The following WWTR1 variants were observed in gnomAD, a reference collection of about 807,000 sequenced individuals.
WWTR1 encodes WW domain containing transcription regulator 1.
In WWTR1, 13 loss-of-function variants were observed where a neutral mutation model predicts 40.1. The observed-to-expected ratio is 0.32, with a 90% CI of 0.21 to 0.52. WWTR1 has a LOEUF of 0.52. Among genes scored for constraint, WWTR1 ranks in the 20% least tolerant of loss-of-function variants. WWTR1 has a pLI of 0.97. For missense variants in WWTR1, 436 were observed against 523.1 expected, an observed-to-expected ratio of 0.83 and a Z score of 1.63; for synonymous variants, 230 against 210.1, an observed-to-expected ratio of 1.09 and a Z score of -0.82.
chr3:149,617,233 A>C (rs779601116), intron 2 of WWTR1, among the ~76,000 whole-genome samples: 1 of 152,158 alleles, frequency 6.6e-6, no homozygotes, highest in Non-Finnish European at 1.5e-5. Flanking sequence ...CATGATGAGC[A>C]GAAGGAAAAA....
At chr3:149,683,680 C>CAAGA (rs1714535070) in intron 1 of WWTR1, among the ~76,000 whole-genome samples, 1 of 151,724 alleles carries the variant, frequency 6.6e-6, no homozygotes, top group South Asian at 2.1e-4. Flanking sequence ...GGCAATAGAA[C>CAAGA]AAGATTCTGC....
intron 4 of WWTR1, among the ~76,000 whole-genome samples, chr3:149,534,459 C>T (rs1304109942): frequency 6.6e-6 from 1 of 152,196 alleles, no homozygotes; most frequent in Non-Finnish European, 1.5e-5. Context: ...CTACCTCAGA[C>T]AGTTCAGAGG....
chr3:149,558,732 A>T (rs1287251329), intron 3 of WWTR1, among the ~76,000 whole-genome samples: 1 of 152,222 alleles, frequency 6.6e-6, no homozygotes, highest in East Asian at 1.9e-4. Context: ...TTTAAAAATG[A>T]TTCACAAAAT....
At chr3:149,572,692 T>C (rs1197933861) in intron 3 of WWTR1, among the ~76,000 whole-genome samples, 172 bp downstream of exon 3, 1 of 151,762 alleles carries the variant, frequency 6.6e-6, no homozygotes, top group Non-Finnish European at 1.5e-5. Context: ...AGTCAAAGCT[T>C]GGGGCTCCAC....
chr3:149,671,343 A>T (rs541241853), intron 1 of WWTR1, among the ~76,000 whole-genome samples: 90 of 152,274 alleles, frequency 5.9e-4, no homozygotes, highest in African/African-American at 2.1e-3. Context: ...TTTCGAAAAG[A>T]GCAGAGGCAA....
chr3:149,530,917 T>G (rs1275787842), intron 4 of WWTR1, among the ~76,000 whole-genome samples: 1 of 151,720 alleles, frequency 6.6e-6, no homozygotes, highest in Non-Finnish European at 1.5e-5. Context: ...GAAAGGGTGT[T>G]GAATGTACCC....
intron 2 of WWTR1, among the ~76,000 whole-genome samples, chr3:149,578,243 G>A (rs899736367): frequency 3.9e-5 from 6 of 152,060 alleles, no homozygotes; most frequent in African/African-American, 1.4e-4. Context: ...TATTAGCTCT[G>A]ACCCTGTGTG....
intron 4 of WWTR1, among the ~76,000 whole-genome samples, chr3:149,535,343 C>A (rs567900727): frequency 2.0e-5 from 3 of 151,664 alleles, no homozygotes; most frequent in Non-Finnish European, 2.9e-5. Flanking sequence ...GAGAGAATGC[C>A]GAATTATTTA....
chr3:149,532,497 A>C (rs10513354), intron 4 of WWTR1, among the ~76,000 whole-genome samples: 30,293 of 152,166 alleles, frequency 0.2, 4,611 homozygotes, highest in African/African-American at 0.43. Context: ...TCGAATATAA[A>C]TGGAAAGTAG....
chr3:149,573,375 G>T (rs62269320), intron 2 of WWTR1, among the ~76,000 whole-genome samples: 9,635 of 152,112 alleles, frequency 0.063, 446 homozygotes, highest in Non-Finnish European at 0.1. Flanking sequence ...TGGAAGGGGA[G>T]CCATGCTCAC....
chr3:149,689,012 T>C (rs1357135365), intron 1 of WWTR1, among the ~76,000 whole-genome samples: 1 of 152,206 alleles, frequency 6.6e-6, no homozygotes, highest in Non-Finnish European at 1.5e-5. Context: ...AACTGAAGAA[T>C]GCATCAGAGT....
chr3:149,574,423 A>G (rs772100357), intron 2 of WWTR1, among the ~76,000 whole-genome samples: 3 of 152,174 alleles, frequency 2.0e-5, no homozygotes, highest in Non-Finnish European at 4.4e-5. Context: ...TTTGGGCCTC[A>G]CAACCAGGTG....
intron 1 of WWTR1, among the ~76,000 whole-genome samples, chr3:149,697,786 C>T (rs1235162582): frequency 6.6e-6 from 1 of 152,138 alleles, no homozygotes; most frequent in South Asian, 2.1e-4. Flanking sequence ...ATCTATAAAC[C>T]TGTAAAATAA....
At position 149,555,453 on chromosome 3, in the gene WWTR1, A is replaced by T. The variant is rs950707634; in HGVS notation, c.569-12916T>A. On this transcript the variant is annotated intron_variant, in intron 3 of 6. Coordinates refer to ENST00000360632, the MANE Select transcript of WWTR1 (RefSeq NM_015472.6). ...ATAAGCAAAAACAATAGTGTGGTTT[A>T]GGTGCTTTGCATTGGGCCAGGACCA... Among the ~76,000 whole-genome samples the T allele has an allele frequency of 4.6e-5, 7 of 151,014 alleles. 1 individual carries two copies. Among genetic ancestry groups the T allele is most frequent in the Admixed American group, 4.6e-4 (7 of 15,150 alleles).
chr3:149,646,022 AG>A (rs1294184871), intron 2 of WWTR1, among the ~76,000 whole-genome samples: 3 of 152,366 alleles, frequency 2.0e-5, no homozygotes, highest in Admixed American at 6.5e-5. Context: ...ACTAGAAAAC[AG>A]ATTATATACA....
intron 3 of WWTR1, among the ~76,000 whole-genome samples, chr3:149,558,291 A>G (rs1201464682): frequency 6.6e-6 from 1 of 152,196 alleles, no homozygotes; most frequent in East Asian, 1.9e-4. Context: ...TAAATTAAAA[A>G]AAAAACCTAC....
At chr3:149,723,680 G>T (rs1164764653) in intron 4 of WWTR1, among the ~76,000 whole-genome samples, 2 of 152,106 alleles carry the variant, frequency 1.3e-5, no homozygotes, top group Non-Finnish European at 2.9e-5. Context: ...TCAATATCTA[G>T]TTCCTAAAAG....
intron 2 of WWTR1, among the ~76,000 whole-genome samples, chr3:149,653,378 A>C (rs1234102849): frequency 6.6e-6 from 1 of 152,186 alleles, no homozygotes; most frequent in African/African-American, 2.4e-5. Context: ...ATGAATGAAC[A>C]CAGTGGTTTT....
intron 2 of WWTR1, among the ~76,000 whole-genome samples, chr3:149,643,351 G>A (rs909145375): frequency 5.9e-5 from 9 of 152,096 alleles, no homozygotes; most frequent in African/African-American, 1.2e-4. Flanking sequence ...TAGTTATGAC[G>A]TGTGCCAGCA....
Sources: allele counts gnomAD v4.1 joint callset (sites outside exome capture counted in the v4.1 genomes callset), GRCh38; gene constraint gnomAD v4.1.1; transcripts MANE v1.5; gene names NCBI Gene and HGNC (gene_info 2026-07-23, HGNC 2026-07-21).